The following ESRRG variants were observed in gnomAD, a reference collection of about 807,000 sequenced individuals.
The protein encoded by ESRRG is estrogen related receptor gamma.
ESRRG carries 13 observed loss-of-function variants against 44.0 expected under a neutral mutation model. The ratio of observed to expected loss-of-function variants is 0.30; its 90% CI spans 0.19 to 0.47. ESRRG has a LOEUF of 0.47. Ranked by LOEUF, ESRRG falls within the 20% of genes least tolerant of loss-of-function variation. The pLI is 1.00. For synonymous variants in ESRRG, 215 were observed against 214.6 expected (o/e 1.00, Z -0.02); for missense variants, 395 against 580.6 (o/e 0.68, Z 3.29).
chr1:216,584,304 T>C (rs1406194664), intron 3 of ESRRG, among the ~76,000 whole-genome samples: 1 of 151,728 alleles, frequency 6.6e-6, no homozygotes, highest in African/African-American at 2.4e-5. Flanking sequence ...TTGCCCAGGC[T>C]GGAGTGCAGT....
chr1:216,995,315 C>T (rs2076241297), intron 1 of ESRRG, among the ~76,000 whole-genome samples: 1 of 152,186 alleles, frequency 6.6e-6, no homozygotes, highest in Non-Finnish European at 1.5e-5. Flanking sequence ...TGTCCGTTGC[C>T]TATCTGTGGT....
chr1:217,132,051 A>C (rs1580656310), intron 1 of ESRRG, among the ~76,000 whole-genome samples: 1 of 152,372 alleles, frequency 6.6e-6, no homozygotes, highest in Admixed American at 6.5e-5. Context: ...TTGCTGACCC[A>C]AGAAAGATGA....
chr1:217,090,419 C>T (rs762131888), upstream of ESRRG: 1 of 152,158 alleles, frequency 6.6e-6, no homozygotes, highest in Non-Finnish European at 1.5e-5. Flanking sequence ...AACCATTTTC[C>T]CTTCTACCCA....
Position 217,133,605 on chromosome 1 carries a change from T to TTTTC in ESRRG, c.-230+4058_-230+4061dup, listed in dbSNP as rs750071673. Among the ~76,000 whole-genome samples, 99 of 98,432 alleles carry TTTTC rather than the reference T, an allele frequency of 1.0e-3. 1 individual carries two copies. Among genetic ancestry groups the TTTTC allele is most frequent in the South Asian group, 5.8e-3 (14 of 2,412 alleles). The allele number at this position is 98,432 out of a possible 152,430, so 64.6% of individuals were successfully genotyped here. On this transcript the variant is annotated intron_variant, in intron 1 of 8. Coordinates refer to the ESRRG transcript ENST00000366940. ...GACAGCTAGCAATGGTGTTTTCCTT[T>TTTTC]TTTCTTTCTTTCTTTCTTTCTTTCT... is the stretch of plus-strand genomic sequence containing the variant.
chr1:216,637,370 C>G (rs1038158866), intron 3 of ESRRG, among the ~76,000 whole-genome samples: 1 of 152,032 alleles, frequency 6.6e-6, no homozygotes. Context: ...ATTGCACAGC[C>G]CTCCTGTTTT....
At chr1:217,038,379 A>G (rs1392206162) in intron 1 of ESRRG, among the ~76,000 whole-genome samples, 1 of 152,210 alleles carries the variant, frequency 6.6e-6, no homozygotes, top group Non-Finnish European at 1.5e-5. Context: ...AGCTCCTTAC[A>G]GTTAAACTGT....
At chr1:216,827,091 A>G (rs1317546998) in intron 2 of ESRRG, among the ~76,000 whole-genome samples, 1 of 152,184 alleles carries the variant, frequency 6.6e-6, no homozygotes, top group African/African-American at 2.4e-5. Context: ...TGAAAAAATT[A>G]TTTATACTTA....
chr1:216,898,981 G>A (rs2058748317), intron 2 of ESRRG, among the ~76,000 whole-genome samples: 1 of 152,052 alleles, frequency 6.6e-6, no homozygotes, highest in Non-Finnish European at 1.5e-5. Flanking sequence ...GTGCCTCAGG[G>A]GTAGAACAGC....
chr1:217,072,295 T>A (rs2151455339), intron 1 of ESRRG, among the ~76,000 whole-genome samples: 1 of 152,316 alleles, frequency 6.6e-6, no homozygotes, highest in African/African-American at 2.4e-5. Context: ...ATTCTTCACA[T>A]ATGTTTTCTG....
intron 6 of ESRRG, 122 bp from the exon 7 acceptor site, chr1:216,507,305 A>C: frequency 1.6e-6 from 1 of 619,002 alleles, no homozygotes; most frequent in Non-Finnish European, 2.6e-6. Context: ...TGAACCTATG[A>C]TTTGTTCAGA....
rs1410666840 is a variant in ESRRG, at chr1:216,707,313, C to A, written c.56+15931G>T. ...CGTTGAGCATTTTAAGATTTAATGG[C>A]AACTTTGGTGATCAAGTCTTCACAA... On this transcript the variant is annotated intron_variant, in intron 1 of 6. Coordinates refer to ENST00000408911, the MANE Select transcript of ESRRG (RefSeq NM_001438.4). The A allele has an allele frequency of 2.6e-6, 4 of 1,532,056 alleles. No homozygotes were observed. In the African/African-American group the frequency reaches 4.1e-5, roughly 16 times the overall value. The allele number at this position is 1,532,056 out of a possible 1,614,324, so 94.9% of individuals were successfully genotyped here.
chr1:217,015,512 T>G (rs965404216), intron 1 of ESRRG, among the ~76,000 whole-genome samples: 6 of 152,104 alleles, frequency 3.9e-5, no homozygotes, highest in Non-Finnish European at 8.8e-5. Flanking sequence ...AGGGTTGTTT[T>G]TCTCTACACA....
intron 2 of ESRRG, among the ~76,000 whole-genome samples, chr1:216,665,919 G>C (rs2073814160): frequency 6.6e-6 from 1 of 152,106 alleles, no homozygotes; most frequent in Non-Finnish European, 1.5e-5. Flanking sequence ...TTTATAACTT[G>C]AGTGAGTTAA....
At chr1:216,530,133 AGGGGGTGGGG>A (rs2048895384) in intron 5 of ESRRG, among the ~76,000 whole-genome samples, 3 of 135,956 alleles carry the variant, frequency 2.2e-5, no homozygotes, top group African/African-American at 5.8e-5. Flanking sequence ...AAAAAAAAAA[AGGGGGTGGGG>A]GAAAGAATAG....
rs572065983 is a variant in ESRRG at position 216,523,502 on chromosome 1, G to GT, written c.863-4082dup. ...CTCATCAAGCACTGTTTTTTTTTTTGTTTTTTTTTTTTTTTAGCCTGGCAA... is the reference window on the plus strand; with the variant it reads ...CTCATCAAGCACTGTTTTTTTTTTTGTTTTTTTTTTTTTTTTAGCCTGGCAA... On this transcript the variant is annotated intron_variant, in intron 5 of 6. Coordinates refer to ENST00000408911, the MANE Select transcript of ESRRG (RefSeq NM_001438.4). 8.7e-3 allele frequency among the ~76,000 whole-genome samples: 1,224 copies of GT among 141,260 alleles called. 6 individuals are homozygous for GT. Among genetic ancestry groups the GT allele is most frequent in the African/African-American group, 0.019 (721 of 38,532 alleles). 92.7% of individuals were successfully genotyped at this position (141,260 alleles called of 152,430 possible).
At chr1:216,644,310 G>C (rs2067050155) in intron 3 of ESRRG, among the ~76,000 whole-genome samples, 1 of 152,008 alleles carries the variant, frequency 6.6e-6, no homozygotes, top group Non-Finnish European at 1.5e-5. Flanking sequence ...TGTTTGCACT[G>C]CCTACCTGGA....
intron 2 of ESRRG, among the ~76,000 whole-genome samples, chr1:216,788,341 T>G (rs548545538): frequency 6.6e-6 from 1 of 152,272 alleles, no homozygotes; most frequent in African/African-American, 2.4e-5. Context: ...AGTGCTCATG[T>G]ACCTTTCTGA....
At chr1:216,989,137 C>A (rs1218389514) in intron 1 of ESRRG, among the ~76,000 whole-genome samples, 2 of 152,006 alleles carry the variant, frequency 1.3e-5, no homozygotes, top group African/African-American at 4.8e-5. Flanking sequence ...AACTCAACAC[C>A]AGATATCGGT....
At chr1:216,805,036 G>A (rs921246011) in intron 2 of ESRRG, 3 of 152,058 alleles carry the variant, frequency 2.0e-5, no homozygotes, top group African/African-American at 7.2e-5. Flanking sequence ...CACCACTCTT[G>A]GTATAGCTGA....
Sources: gnomAD v4.1 joint callset for allele counts (sites outside exome capture counted in the v4.1 genomes callset) on GRCh38, gnomAD v4.1.1 for gene constraint, MANE v1.5 for transcripts, NCBI Gene and HGNC (gene_info 2026-07-23, HGNC 2026-07-21) for gene names.